Variants in STK32B observed in about 807,000 individuals in gnomAD.
STK32B encodes serine/threonine kinase 32B.
A neutral mutation model predicts 52.6 loss-of-function variants in STK32B; 43 were observed. That is an observed-to-expected ratio of 0.82 (90% CI 0.64 to 1.05). The LOEUF is 1.05. Among genes scored for constraint, STK32B ranks in the 50% least tolerant of loss-of-function variants. The pLI, the probability that STK32B is intolerant of heterozygous loss-of-function variation, is 0.00. For synonymous variants in STK32B, 238 were observed against 204.3 expected (o/e 1.17, Z -1.41); for missense variants, 621 against 534.6 (o/e 1.16, Z -1.59).
rs571500741 is a variant in STK32B, at chr4:5,491,975, A to C, written c.1107-6970A>C. Among the ~76,000 whole-genome samples the C allele has an allele frequency of 3.3e-5, 5 of 152,258 alleles. No homozygotes were observed. The East Asian group carries it at 9.6e-4, about 29-fold the overall frequency. ...GTACCAGTACCATGCTGTTTTGGTT[A>C]CTGTAGCCTTGTAGTATAGTTTGAA... is the stretch of plus-strand genomic sequence containing the variant. On this transcript the variant is annotated intron_variant, in intron 11 of 11. Coordinates refer to ENST00000282908, the MANE Select transcript of STK32B (RefSeq NM_018401.3).
intron 3 of STK32B, among the ~76,000 whole-genome samples, chr4:5,318,996 G>T (rs1014636530): frequency 6.6e-6 from 1 of 151,938 alleles, no homozygotes; most frequent in Non-Finnish European, 1.5e-5. Flanking sequence ...AGTAGAGATG[G>T]GGTTTCACTG....
chr4:5,185,453 T>A (rs1196657447), intron 3 of STK32B, among the ~76,000 whole-genome samples: 1 of 152,212 alleles, frequency 6.6e-6, no homozygotes, highest in Non-Finnish European at 1.5e-5. Flanking sequence ...GGCTACATTT[T>A]AAGTGTTGAG....
intron 3 of STK32B, among the ~76,000 whole-genome samples, chr4:5,249,675 A>G (rs1314905491): frequency 6.6e-6 from 1 of 152,194 alleles, no homozygotes; most frequent in Non-Finnish European, 1.5e-5. Context: ...TCCTTGATCC[A>G]GATATCAAAT....
chr4:5,363,075 C>A (rs1470938994), intron 4 of STK32B, among the ~76,000 whole-genome samples: 1 of 152,200 alleles, frequency 6.6e-6, no homozygotes, highest in Non-Finnish European at 1.5e-5. Context: ...CTGCCATCTT[C>A]ACTTAACACA....
chr4:5,236,154 C>G (rs1724620160), intron 3 of STK32B, among the ~76,000 whole-genome samples: 1 of 152,046 alleles, frequency 6.6e-6, no homozygotes, highest in African/African-American at 2.4e-5. Context: ...GGGAAAAGAC[C>G]TAATTCTCAA....
Position 5,395,262 on chromosome 4 carries a change from TAACATAACTGA to T in STK32B, c.435-2943_435-2933del, listed in dbSNP as rs143869398. On this transcript the variant is annotated intron_variant, in intron 4 of 11. Transcript: ENST00000282908. The surrounding 1 kb of genome is among the most constrained non-coding windows in gnomAD (Gnocchi z 4.4). Reference sequence around the variant, plus strand: ...CTGCCATCCCACCAAGTTTGCCCTGTAACATAACTGAATTAAGGGGGTGACACCCATCACCT... The same window carrying T: ...CTGCCATCCCACCAAGTTTGCCCTGTATTAAGGGGGTGACACCCATCACCT... 0.024 allele frequency among the ~76,000 whole-genome samples: 3,607 copies of T among 152,244 alleles called. 111 individuals are homozygous for T. The highest frequency in any genetic ancestry group is 0.082 in the East Asian group (426 of 5,170).
chr4:5,083,569 G>T lies in STK32B; in HGVS notation c.52+31654G>T, dbSNP rs143155074. Among the ~76,000 whole-genome samples the T allele has an allele frequency of 2.4e-3, 361 of 152,272 alleles. 1 individual carries two copies. The highest frequency in any genetic ancestry group is 8.3e-3 in the African/African-American group (344 of 41,552). ...GCAAATAGTACATGCTCAATAAATG[G>T]ACATGGACATTACTGCTATTTTAAA... is the stretch of plus-strand genomic sequence containing the variant. On this transcript the variant is annotated intron_variant, in intron 1 of 11. Transcript: ENST00000282908.
intron 3 of STK32B, among the ~76,000 whole-genome samples, chr4:5,284,494 A>G (rs922551184): frequency 1.3e-5 from 2 of 152,310 alleles, no homozygotes; most frequent in African/African-American, 4.8e-5. Context: ...ATCAATTACT[A>G]TGATAAAATG....
intron 10 of STK32B, 115 bp downstream of exon 10, chr4:5,466,949 C>A (rs1717487971): frequency 1.5e-6 from 2 of 1,368,706 alleles, no homozygotes; most frequent in African/African-American, 2.9e-5. Context: ...TTCCAATTTC[C>A]TTATTTTGCA....
intron 6 of STK32B, among the ~76,000 whole-genome samples, chr4:5,431,173 C>G (rs933869571): frequency 1.3e-5 from 2 of 152,090 alleles, no homozygotes; most frequent in African/African-American, 4.8e-5. Flanking sequence ...GCCCATGGAA[C>G]CAAAAGAAAA....
chr4:5,465,765 G>A (rs1429746542), intron 9 of STK32B, among the ~76,000 whole-genome samples: 1 of 152,212 alleles, frequency 6.6e-6, no homozygotes, highest in Non-Finnish European at 1.5e-5. Flanking sequence ...AAGGCTGGCT[G>A]ACCTCAAGGC....
At chr4:5,466,570 G>A (rs1717449732) in intron 9 of STK32B, 133 bp from the exon 10 acceptor site, 2 of 1,206,274 alleles carry the variant, frequency 1.7e-6, no homozygotes, top group East Asian at 2.7e-5. Context: ...CAGAAACAAA[G>A]GTAACCCGTG....
At chr4:5,020,493 G>A in the STK32B span, among the ~76,000 whole-genome samples, 4 of 152,188 alleles carry the variant, frequency 2.6e-5, no homozygotes, top group Non-Finnish European at 5.9e-5. Flanking sequence ...GTCTCTGTGA[G>A]GTAGGTGCCA....
chr4:5,463,084 G>A lies in STK32B; in HGVS notation c.909+2856G>A, dbSNP rs1288548198. The stretch of plus-strand genomic sequence containing the variant: ...ACCCTCACAGAGCCTGGGGAGTAGA[G>A]CCCGGAGGCTTCCAAAGCCTCTGCT... On this transcript the variant is annotated intron_variant, in intron 9 of 11. Coordinates refer to ENST00000282908, the MANE Select transcript of STK32B (RefSeq NM_018401.3). Among the ~76,000 whole-genome samples the A allele has an allele frequency of 5.3e-5, 8 of 152,246 alleles. No homozygotes were observed. In the South Asian group the frequency reaches 1.7e-3, roughly 31 times the overall value.
Position 5,398,135 on chromosome 4 carries a change from T to TGTG in STK32B, c.435-68_435-66dup. 1 of 1,567,440 alleles carries TGTG rather than the reference T, an allele frequency of 6.4e-7. No homozygotes were observed. Among genetic ancestry groups the TGTG allele is most frequent in the Non-Finnish European group, 8.7e-7 (1 of 1,144,344 alleles). ...CTGGGTGTTCCAGCATTTGTCCTGA[T>TGTG]GTGGTGCTTGTCTATGTGCTCATCT... On this transcript the variant is annotated intron_variant, in intron 4 of 11. Coordinates refer to ENST00000282908, the MANE Select transcript of STK32B (RefSeq NM_018401.3). This position sits in a 1 kb window ranked among gnomAD's most constrained non-coding sequence, Gnocchi z 4.9.
At chr4:5,222,291 T>G (rs1723587132) in intron 3 of STK32B, among the ~76,000 whole-genome samples, 1 of 152,170 alleles carries the variant, frequency 6.6e-6, no homozygotes, top group Non-Finnish European at 1.5e-5. Context: ...GGAAGTAGCT[T>G]TCAAACTGGG....
At chr4:5,165,517 G>C (rs1577129396) in intron 2 of STK32B, among the ~76,000 whole-genome samples, 1 of 152,160 alleles carries the variant, frequency 6.6e-6, no homozygotes, top group South Asian at 2.1e-4. Context: ...TTTTCACAGC[G>C]ATGCAGCCAG....
intron 2 of STK32B, among the ~76,000 whole-genome samples, chr4:5,163,253 A>G (rs1718584136): frequency 6.6e-6 from 1 of 152,134 alleles, no homozygotes; most frequent in African/African-American, 2.4e-5. Context: ...GAGCCCCTGA[A>G]CAGGAACTGA....
intron 4 of STK32B, among the ~76,000 whole-genome samples, chr4:5,358,701 G>GCGCGCGCACACACACACACACA (rs151338728): frequency 2.8e-5 from 3 of 106,736 alleles, no homozygotes; most frequent in Admixed American, 8.2e-5. Flanking sequence ...TCACACACAT[G>GCGCGCGCACACACACACACACA]CACACACACA....
Sources: gnomAD v4.1 joint callset for allele counts (sites outside exome capture counted in the v4.1 genomes callset) on GRCh38, gnomAD v4.1.1 for gene constraint, Gnocchi (gnomAD v3.1) non-coding constraint, MANE v1.5 for transcripts, NCBI Gene and HGNC (gene_info 2026-07-23, HGNC 2026-07-21) for gene names.